The following KIF13A variants were observed in gnomAD, a reference collection of about 807,000 sequenced individuals.
KIF13A encodes the protein kinesin-like protein KIF13A.
Under a neutral mutation model 212.2 loss-of-function variants are expected in KIF13A, and 79 were observed. The ratio of observed to expected loss-of-function variants is 0.37; its 90% CI spans 0.31 to 0.45. The LOEUF is 0.45. Ranked by LOEUF, KIF13A falls within the 20% of genes least tolerant of loss-of-function variation. KIF13A has a pLI of 1.00. For synonymous variants in KIF13A, 789 were observed against 808.6 expected (o/e 0.98, Z 0.41); for missense variants, 1,901 against 2,209.0 (o/e 0.86, Z 2.79).
intron 34 of KIF13A, 72 bp from the exon 35 acceptor site, chr6:17,775,134 A>G: frequency 2.5e-6 from 3 of 1,203,546 alleles, no homozygotes; most frequent in Non-Finnish European, 3.6e-6. Context: ...ATATAAAGAA[A>G]CAGAATGTCA....
intron 2 of KIF13A, among the ~76,000 whole-genome samples, chr6:17,929,439 T>C (rs545674833): frequency 2.0e-5 from 3 of 151,456 alleles, no homozygotes; most frequent in Non-Finnish European, 2.9e-5. Context: ...CTCGCTCTGT[T>C]GGCCAGGCTG....
intron 4 of KIF13A, among the ~76,000 whole-genome samples, chr6:17,857,627 C>T (rs1768269414): frequency 6.6e-6 from 1 of 152,144 alleles, no homozygotes; most frequent in Non-Finnish European, 1.5e-5. Context: ...AACCATTAGG[C>T]TGGCAAAAAA....
At chr6:17,851,899 T>C (rs565169883) in intron 7 of KIF13A, 56 bp downstream of exon 7, 8 of 917,034 alleles carry the variant, frequency 8.7e-6, no homozygotes, top group Non-Finnish European at 1.3e-5. Context: ...TCAGTATCAC[T>C]TACATACTTT....
At chr6:17,920,321 A>C (rs1286877312) in intron 2 of KIF13A, among the ~76,000 whole-genome samples, 1 of 152,162 alleles carries the variant, frequency 6.6e-6, no homozygotes, top group Non-Finnish European at 1.5e-5. Flanking sequence ...CCAAAAATGA[A>C]AGGTGGGAAG....
chr6:17,987,228 T>A lies in KIF13A; in HGVS notation c.56-84A>T, dbSNP rs1244634002. On this transcript the variant is annotated intron_variant, in intron 1 of 38. Coordinates refer to ENST00000259711, the MANE Select transcript of KIF13A (RefSeq NM_022113.6). The surrounding 1 kb of genome is among the most constrained non-coding windows in gnomAD (Gnocchi z 7.7). ...GCCCGCCAGCCGCGCCGAGCGGGGC[T>A]CCGTCCCTGGAGGCGGCCGAGCCTG... 6 of 1,231,868 alleles carry A rather than the reference T, an allele frequency of 4.9e-6. No homozygotes were observed. Among genetic ancestry groups the A allele is most frequent in the Non-Finnish European group, 6.7e-6 (6 of 892,824 alleles). 76.3% of individuals were successfully genotyped at this position (1,231,868 alleles called of 1,614,324 possible).
Position 17,963,069 on chromosome 6 carries a change from A to G in KIF13A, c.146+23985T>C, listed in dbSNP as rs1456480787. 6.6e-6 allele frequency among the ~76,000 whole-genome samples: 1 copy of G among 152,196 alleles called. No individual in the cohort carries two copies. The highest frequency in any genetic ancestry group is 1.5e-5 in the Non-Finnish European group (1 of 68,038). ...AACCAGCAGGTCTAGTCATCAAATA[A>G]TTTTGCTTCCCTTTAAATGTTGTGA... is the stretch of plus-strand genomic sequence containing the variant. On this transcript the variant is annotated intron_variant, in intron 2 of 38. Coordinates refer to ENST00000259711, the MANE Select transcript of KIF13A (RefSeq NM_022113.6). This position sits in a 1 kb window ranked among gnomAD's most constrained non-coding sequence, Gnocchi z 4.1.
Position 17,831,137 on chromosome 6 carries a change from G to T in KIF13A, c.1365C>A (p.Asp455Glu). Reference protein sequence around the residue: ...DKCYLVNLNADPALNELLVYY... With the variant: ...DKCYLVNLNAEPALNELLVYY... ...AAACCAGAAGTTCGTTAAGAGCAGG[G>T]TCTGCATTCAGATTGACTAAGTAGC... Residue 455 changes from aspartate (D) to glutamate (E), a missense_variant, in exon 13 of 39, where the codon GAC becomes GAA. This residue lies in a region of KIF13A where 506 missense variants were observed against 637.4 expected (regional missense o/e 0.79). Coordinates refer to ENST00000259711, the MANE Select transcript of KIF13A (RefSeq NM_022113.6). The T allele has an allele frequency of 6.2e-7, 1 of 1,613,746 alleles. No individual in the cohort carries two copies. The highest frequency in any genetic ancestry group is 8.5e-7 in the Non-Finnish European group (1 of 1,179,752).
At chr6:17,762,008 G>A (rs1046969306), downstream of KIF13A, among the ~76,000 whole-genome samples, 1 of 152,026 alleles carries the variant, frequency 6.6e-6, no homozygotes, top group Non-Finnish European at 1.5e-5. Flanking sequence ...ACTGTATAAA[G>A]CAAAATCTTA....
chr6:17,787,762 T>C lies in KIF13A; in HGVS notation c.3361+14A>G. ...AAAAAGCTACTCCCCATAAAAGAGT[T>C]TGATCTCACATACCTGTTTTATTGC... On this transcript the variant is annotated intron_variant, in intron 27 of 38. Transcript: ENST00000259711. This position sits in a 1 kb window ranked among gnomAD's most constrained non-coding sequence, Gnocchi z 4.6. The C allele has an allele frequency of 6.5e-7, 1 of 1,530,446 alleles. No homozygotes were observed. Among genetic ancestry groups the C allele is most frequent in the African/African-American group, 1.4e-5 (1 of 73,318 alleles). The allele number at this position is 1,530,446 out of a possible 1,614,324, so 94.8% of individuals were successfully genotyped here.
Position 17,886,124 on chromosome 6 carries a change from G to A in KIF13A, c.159+12044C>T, listed in dbSNP as rs1375792410. ...CTGCTATCTCTGATAAATGATTATT[G>A]TTACTCATAAAAATGAGAAGAAAAA... is the stretch of plus-strand genomic sequence containing the variant. On this transcript the variant is annotated intron_variant, in intron 3 of 38. Transcript: ENST00000259711. This position sits in a 1 kb window ranked among gnomAD's most constrained non-coding sequence, Gnocchi z 5.6. Among the ~76,000 whole-genome samples the A allele has an allele frequency of 6.6e-6, 1 of 152,208 alleles. No homozygotes were observed. Among genetic ancestry groups the A allele is most frequent in the Non-Finnish European group, 1.5e-5 (1 of 68,038 alleles).
chr6:17,904,337 A>G (rs954494527), intron 2 of KIF13A, among the ~76,000 whole-genome samples: 4 of 152,028 alleles, frequency 2.6e-5, no homozygotes, highest in Non-Finnish European at 5.9e-5. Context: ...GTGTTGTGGC[A>G]CATGCCTGTA....
At chr6:17,948,047 A>G (rs934706010) in intron 2 of KIF13A, among the ~76,000 whole-genome samples, 3 of 152,262 alleles carry the variant, frequency 2.0e-5, no homozygotes, top group Non-Finnish European at 4.4e-5. Context: ...AGGAGAGACT[A>G]GAAACTCAGC....
At chr6:17,851,593 A>G (rs1351164415) in intron 7 of KIF13A, among the ~76,000 whole-genome samples, 1 of 152,218 alleles carries the variant, frequency 6.6e-6, no homozygotes, top group East Asian at 1.9e-4. Flanking sequence ...AAGGCAGGAG[A>G]CCCTGCCAAA....
intron 11 of KIF13A, among the ~76,000 whole-genome samples, chr6:17,836,663 G>A (rs768628185): frequency 3.3e-5 from 5 of 152,072 alleles, no homozygotes; most frequent in African/African-American, 4.8e-5. Context: ...TCACTATCAC[G>A]AGAACAGCAA....
Position 17,838,201 on chromosome 6 carries a change from G to A in KIF13A, c.831-618C>T, listed in dbSNP as rs1053079694. Among the ~76,000 whole-genome samples the A allele has an allele frequency of 2.0e-5, 3 of 150,344 alleles. No homozygotes were observed. The highest frequency in any genetic ancestry group is 7.3e-5 in the African/African-American group (3 of 40,880). The stretch of plus-strand genomic sequence containing the variant: ...CCAGGCGTGGCGGCGTGTGCCTATA[G>A]TCCCAGCTACTCGGGAGGCTGAGGC... On this transcript the variant is annotated intron_variant, in intron 9 of 38. Coordinates refer to ENST00000259711, the MANE Select transcript of KIF13A (RefSeq NM_022113.6). This position sits in a 1 kb window ranked among gnomAD's most constrained non-coding sequence, Gnocchi z 4.2.
intron 2 of KIF13A, among the ~76,000 whole-genome samples, chr6:17,940,630 A>T (rs1184387057): frequency 6.6e-6 from 1 of 152,178 alleles, no homozygotes; most frequent in African/African-American, 2.4e-5. Flanking sequence ...GAGACCTCAC[A>T]GGAGAGCTAT....
intron 2 of KIF13A, among the ~76,000 whole-genome samples, chr6:17,921,368 T>C (rs1024420649): frequency 6.6e-6 from 1 of 152,164 alleles, no homozygotes; most frequent in Non-Finnish European, 1.5e-5. Flanking sequence ...CAAGTAACAA[T>C]AACCAGCTAA....
At position 17,776,256 on chromosome 6, in the gene KIF13A, T is replaced by G. The variant is rs554409202; in HGVS notation, c.4170+1021A>C. On this transcript the variant is annotated intron_variant, in intron 34 of 38. Transcript: ENST00000259711. This position sits in a 1 kb window ranked among gnomAD's most constrained non-coding sequence, Gnocchi z 4.6. ...AATATAAGAGCTATATATTTCCTAA[T>G]AGTAGCCCTCACTCTCTCATTTTTT... Among the ~76,000 whole-genome samples the G allele has an allele frequency of 6.6e-6, 1 of 152,320 alleles. No individual in the cohort carries two copies. Among genetic ancestry groups the G allele is most frequent in the East Asian group, 1.9e-4 (1 of 5,190 alleles).
At chr6:17,835,658 C>A (rs1393348768) in intron 11 of KIF13A, among the ~76,000 whole-genome samples, 1 of 152,054 alleles carries the variant, frequency 6.6e-6, no homozygotes, top group African/African-American at 2.4e-5. Context: ...ACTTTAAGAG[C>A]CACAGCCTGG....
Sources: allele counts gnomAD v4.1 joint callset (sites outside exome capture counted in the v4.1 genomes callset), GRCh38; gene constraint gnomAD v4.1.1; regional missense constraint gnomAD v4.1.1; non-coding constraint Gnocchi (gnomAD v3.1); transcripts MANE v1.5; gene names NCBI Gene and HGNC (gene_info 2026-07-23, HGNC 2026-07-21).